Variants in CALD1 observed in about 807,000 individuals in gnomAD.
CALD1 encodes the protein caldesmon.
Under a neutral mutation model 99.9 loss-of-function variants are expected in CALD1, and 33 were observed. The observed-to-expected ratio is 0.33, with a 90% CI of 0.25 to 0.44. The LOEUF (loss-of-function observed/expected upper bound fraction) is 0.44. CALD1 is among the 20% of genes least tolerant of loss of function. The pLI is 1.00. For synonymous variants in CALD1, 310 were observed against 325.0 expected, an observed-to-expected ratio of 0.95 and a Z score of 0.50; for missense variants, 861 against 962.1, an observed-to-expected ratio of 0.89 and a Z score of 1.39.
chr7:134,828,539 G>A (rs921249206), intron 1 of CALD1, among the ~76,000 whole-genome samples: 2 of 152,074 alleles, frequency 1.3e-5, no homozygotes, highest in African/African-American at 2.4e-5. Flanking sequence ...TGTTGTTCTC[G>A]TTGCTTAATC....
intron 1 of CALD1, among the ~76,000 whole-genome samples, chr7:134,803,148 C>T (rs969139241): frequency 1.5e-4 from 23 of 152,036 alleles, no homozygotes; most frequent in South Asian, 6.2e-4. Context: ...AAATGATATT[C>T]GGCATATTTT....
At chr7:134,733,363 G>T in the CALD1 span, among the ~76,000 whole-genome samples, 1 of 152,116 alleles carries the variant, frequency 6.6e-6, no homozygotes, top group African/African-American at 2.4e-5. Context: ...AGAGCCCAGA[G>T]GAGTTTATGG....
rs1479987522 is a variant in CALD1 at position 134,747,354 on chromosome 7, C to T, written c.-130+2991C>T. Reference sequence around the variant, plus strand: ...GCACATGGAGCCAGGAACCCAGGTGCTCATTCTGACAGTGTGAAAGAATTC... The same window carrying T: ...GCACATGGAGCCAGGAACCCAGGTGTTCATTCTGACAGTGTGAAAGAATTC... On this transcript the variant is annotated intron_variant, in intron 1 of 13. Transcript: ENST00000417172. Among the ~76,000 whole-genome samples the T allele has an allele frequency of 2.0e-5, 3 of 152,198 alleles. 1 individual carries two copies. The highest frequency in any genetic ancestry group is 2.0e-4 in the Admixed American group (3 of 15,292).
intron 1 of CALD1, among the ~76,000 whole-genome samples, chr7:134,758,410 G>A (rs761249786): frequency 1.8e-4 from 27 of 151,970 alleles, no homozygotes; most frequent in Non-Finnish European, 3.2e-4. Context: ...AAAAATTCAT[G>A]TACATTTAAA....
At position 134,779,744 on chromosome 7, in the gene CALD1, T is replaced by G. The variant is rs1479601410; in HGVS notation, c.-135T>G. On this transcript the variant is annotated 5_prime_UTR_variant, in exon 1 of 15. Transcript: ENST00000361675. The stretch of plus-strand genomic sequence containing the variant: ...TAGTCCTCGGGAAGAAGTTTCAGAC[T>G]ACAAGGTAAGGCACAGAAGGCTTTC... 2.5e-6 allele frequency: 1 copy of G among 398,492 alleles called. No homozygotes were observed. The highest frequency in any genetic ancestry group is 4.4e-6 in the Non-Finnish European group (1 of 226,064). 24.7% of individuals were successfully genotyped at this position (398,492 alleles called of 1,614,324 possible). A position where few individuals can be genotyped will look rare whatever the true frequency, so the allele number is the denominator to read the frequency against.
rs571442800 is a variant in CALD1 at position 134,809,191 on chromosome 7, C to T, written c.-130+29442C>T. ...CAATACCGGGGACACAGGTAGTATA[C>T]GTACTACAATCCTGCTTATGGGCTC... On this transcript the variant is annotated intron_variant, in intron 1 of 14. Transcript: ENST00000361675. Among the ~76,000 whole-genome samples, 9 of 152,244 alleles carry T rather than the reference C, an allele frequency of 5.9e-5. No individual in the cohort carries two copies. In the South Asian group the frequency reaches 1.9e-3, roughly 32 times the overall value.
intron 3 of CALD1, among the ~76,000 whole-genome samples, chr7:134,877,650 GTATAACAAC>G (rs1040899039): frequency 3.3e-5 from 5 of 152,116 alleles, no homozygotes; most frequent in Admixed American, 6.5e-5. Flanking sequence ...GAACAATACA[GTATAACAAC>G]TATGTACATA....
chr7:134,752,286 A>C (rs2131564166), intron 1 of CALD1, among the ~76,000 whole-genome samples: 1 of 152,350 alleles, frequency 6.6e-6, no homozygotes, highest in South Asian at 2.1e-4. Flanking sequence ...GCCTGATGCC[A>C]AAGAAATTTG....
intron 1 of CALD1, among the ~76,000 whole-genome samples, chr7:134,805,923 G>A (rs1306914252): frequency 6.6e-6 from 1 of 152,082 alleles, no homozygotes; most frequent in Non-Finnish European, 1.5e-5. Flanking sequence ...ACCACACCCG[G>A]CCAATTTTTG....
intron 1 of CALD1, among the ~76,000 whole-genome samples, chr7:134,770,837 C>T (rs1302906931): frequency 6.6e-6 from 1 of 152,146 alleles, no homozygotes; most frequent in Non-Finnish European, 1.5e-5. Flanking sequence ...TAAGCCTCCC[C>T]CATGGACAGG....
chr7:134,920,692 T>A, intron 3 of CALD1: 3 of 1,289,162 alleles, frequency 2.3e-6, no homozygotes, highest in Non-Finnish European at 3.0e-6. Flanking sequence ...AGAGCTGATC[T>A]TGGGGACCGG....
intron 3 of CALD1, among the ~76,000 whole-genome samples, chr7:134,870,474 G>A (rs555678216): frequency 1.8e-4 from 27 of 152,138 alleles, no homozygotes; most frequent in Non-Finnish European, 3.8e-4. Flanking sequence ...TACGTGGTTC[G>A]TTCCTTTGAC....
intron 1 of CALD1, among the ~76,000 whole-genome samples, chr7:134,745,051 A>G (rs1039743668): frequency 2.0e-5 from 3 of 152,224 alleles, no homozygotes; most frequent in East Asian, 1.9e-4. Flanking sequence ...GTACCTCCAC[A>G]TGGATTTTAG....
At chr7:134,763,420 G>T (rs62462521) in intron 1 of CALD1, among the ~76,000 whole-genome samples, 8,287 of 152,158 alleles carry the variant, frequency 0.054, 269 homozygotes, top group Middle Eastern at 0.14. Flanking sequence ...AAGCAATGGG[G>T]CTTAGTTTTT....
At chr7:134,835,973 C>T (rs1401919608) in intron 1 of CALD1, among the ~76,000 whole-genome samples, 6 of 151,536 alleles carry the variant, frequency 4.0e-5, no homozygotes, top group Admixed American at 2.6e-4. Context: ...GGTGAAACCC[C>T]GTCTCTACTA....
intron 2 of CALD1, among the ~76,000 whole-genome samples, chr7:134,846,407 C>T (rs375438628): frequency 6.6e-6 from 1 of 152,176 alleles, no homozygotes; most frequent in East Asian, 1.9e-4. Flanking sequence ...AGGGGCCAGG[C>T]CATGGCCCCT....
At chr7:134,745,938 C>T (rs1028120398) in intron 1 of CALD1, among the ~76,000 whole-genome samples, 3 of 152,154 alleles carry the variant, frequency 2.0e-5, no homozygotes, top group Admixed American at 6.5e-5. Context: ...TATTTCTCAA[C>T]TTGTGATGTA....
chr7:134,816,073 G>A (rs1798551011), intron 1 of CALD1, among the ~76,000 whole-genome samples: 1 of 152,054 alleles, frequency 6.6e-6, no homozygotes, highest in African/African-American at 2.4e-5. Flanking sequence ...CCTATCTAAA[G>A]TTTTACTAAT....
In CALD1 at chr7:134,843,892, G is replaced by T. The variant is rs1799747817; in HGVS notation, c.-121G>T. ...TCCTCCTTTTATTCCAGGTATCATT[G>T]GAACATTTCAAGATCATCAAATCAA... On this transcript the variant is annotated 5_prime_UTR_variant, in exon 2 of 15. Transcript: ENST00000361675. The T allele has an allele frequency of 6.6e-6, 1 of 152,234 alleles. No individual in the cohort carries two copies. The highest frequency in any genetic ancestry group is 1.9e-4 in the East Asian group (1 of 5,180). The allele number at this position is 152,234 out of a possible 1,614,324, so 9.4% of individuals were successfully genotyped here.
Sources: gnomAD v4.1 joint callset for allele counts (sites outside exome capture counted in the v4.1 genomes callset) on GRCh38, gnomAD v4.1.1 for gene constraint, MANE v1.5 for transcripts, NCBI Gene and HGNC (gene_info 2026-07-23, HGNC 2026-07-21) for gene names.